The following SGCZ variants were observed in gnomAD, a reference collection of about 807,000 sequenced individuals.
The protein encoded by SGCZ is sarcoglycan zeta, also known as zeta-sarcoglycan.
A neutral mutation model predicts 41.3 loss-of-function variants in SGCZ; 40 were observed. That is an observed-to-expected ratio of 0.97 (90% CI 0.75 to 1.26). The LOEUF (loss-of-function observed/expected upper bound fraction) is 1.26. SGCZ is among the 50% of genes most tolerant of loss of function. The probability of loss-of-function intolerance (pLI) is 0.00; values close to 1 mark genes in which losing one functional copy is unlikely to be tolerated. For synonymous variants in SGCZ, 206 were observed against 137.5 expected (o/e 1.50, Z -3.49); for missense variants, 552 against 369.8 (o/e 1.49, Z -4.04).
At chr8:14,285,020 T>C (rs1359661341) in intron 3 of SGCZ, among the ~76,000 whole-genome samples, 1 of 152,148 alleles carries the variant, frequency 6.6e-6, no homozygotes, top group Non-Finnish European at 1.5e-5. Context: ...TTTTCCCTCT[T>C]TTATATTGGA....
At chr8:15,128,081 T>A (rs1166728088) in intron 1 of SGCZ, among the ~76,000 whole-genome samples, 3 of 152,234 alleles carry the variant, frequency 2.0e-5, no homozygotes, top group Non-Finnish European at 4.4e-5. Context: ...AGAGACCCTT[T>A]TTTAAAGATA....
intron 2 of SGCZ, among the ~76,000 whole-genome samples, chr8:14,552,641 G>C (rs825906): frequency 1.3e-5 from 2 of 151,904 alleles, no homozygotes; most frequent in Non-Finnish European, 2.9e-5. Flanking sequence ...TCAAATTAAA[G>C]AGCTCCATGG....
intron 5 of SGCZ, among the ~76,000 whole-genome samples, chr8:14,138,659 C>T (rs568094857): frequency 1.3e-5 from 2 of 152,262 alleles, no homozygotes; most frequent in South Asian, 4.1e-4. Context: ...AATATATATG[C>T]ACCCAATACA....
Position 15,197,481 on chromosome 8 carries a change from G to C in SGCZ, c.39+40104C>G, listed in dbSNP as rs567640768. On this transcript the variant is annotated intron_variant, in intron 1 of 7. Transcript: ENST00000382080. ...TCATGAAAATAAGAAGGTGGTGTAG[G>C]AAGCACTGGTATCTTCGCAGATAGA... Among the ~76,000 whole-genome samples the C allele has an allele frequency of 7.2e-5, 11 of 152,292 alleles. No homozygotes were observed. In the South Asian group the frequency reaches 2.3e-3, roughly 32 times the overall value.
chr8:14,727,302 T>C (rs969618876), intron 1 of SGCZ, among the ~76,000 whole-genome samples: 3 of 152,100 alleles, frequency 2.0e-5, no homozygotes, highest in African/African-American at 7.2e-5. Flanking sequence ...TTAGAGGAGC[T>C]TTAGAAGTTT....
intron 1 of SGCZ, among the ~76,000 whole-genome samples, chr8:15,038,542 T>C (rs1803951030): frequency 6.7e-6 from 1 of 150,162 alleles, no homozygotes; most frequent in African/African-American, 2.4e-5. Context: ...ATAACATTGG[T>C]CTGGTCAATG....
intron 1 of SGCZ, among the ~76,000 whole-genome samples, chr8:15,052,983 C>T (rs964654155): frequency 1.3e-5 from 2 of 152,122 alleles, no homozygotes; most frequent in Non-Finnish European, 2.9e-5. Flanking sequence ...GGCATAGTTC[C>T]TACATTTCCA....
chr8:14,092,787 T>A (rs1456180342), intron 7 of SGCZ, among the ~76,000 whole-genome samples: 2 of 152,066 alleles, frequency 1.3e-5, no homozygotes, highest in Non-Finnish European at 2.9e-5. Flanking sequence ...ATTGTCTTTT[T>A]CTTTATAAAT....
rs369617205 is a variant in SGCZ, at chr8:14,226,239, A to G, written c.424+11353T>C. Among the ~76,000 whole-genome samples, 20 of 152,232 alleles carry G rather than the reference A, an allele frequency of 1.3e-4. No homozygotes were observed. In the East Asian group the frequency reaches 3.3e-3, roughly 25 times the overall value. Reference sequence around the variant, plus strand: ...ATCATGTAAATTTGGGAAAAACTTAAAAAGTATTTCAAGTTACTATAGAGT... The same window carrying G: ...ATCATGTAAATTTGGGAAAAACTTAGAAAGTATTTCAAGTTACTATAGAGT... On this transcript the variant is annotated intron_variant, in intron 4 of 7. Transcript: ENST00000382080.
At chr8:14,784,916 ATATATAT>A (rs1800710714) in intron 1 of SGCZ, among the ~76,000 whole-genome samples, 7 of 96,182 alleles carry the variant, frequency 7.3e-5, no homozygotes, top group Non-Finnish European at 1.3e-4. Context: ...AAAAAAAAAT[ATATATAT>A]ATATATATAT....
In SGCZ at chr8:14,445,518, G is replaced by A. The variant is rs569556022; in HGVS notation, c.234+109214C>T. Among the ~76,000 whole-genome samples the A allele has an allele frequency of 3.9e-4, 59 of 152,096 alleles. 1 individual carries two copies. Among genetic ancestry groups the A allele is most frequent in the African/African-American group, 1.3e-3 (54 of 41,490 alleles). The stretch of plus-strand genomic sequence containing the variant: ...TTAAGGAGAAGATGACCTGACTTTG[G>A]GGAACACTACTTACCCCACCTGCCC... On this transcript the variant is annotated intron_variant, in intron 2 of 7. Coordinates refer to ENST00000382080, the MANE Select transcript of SGCZ (RefSeq NM_139167.4).
chr8:14,197,797 G>C (rs1320530422), intron 4 of SGCZ, among the ~76,000 whole-genome samples: 2 of 151,890 alleles, frequency 1.3e-5, no homozygotes, highest in East Asian at 3.9e-4. Context: ...TCACACTAGA[G>C]GTCTTAGCCA....
At chr8:14,939,204 G>C (rs1563377448) in intron 1 of SGCZ, among the ~76,000 whole-genome samples, 1 of 152,196 alleles carries the variant, frequency 6.6e-6, no homozygotes, top group East Asian at 1.9e-4. Context: ...CTCAAAGATA[G>C]CATTCAGGAC....
At position 15,026,122 on chromosome 8, in the gene SGCZ, TA is replaced by T. The variant is rs58559528; in HGVS notation, c.39+211462del. On this transcript the variant is annotated intron_variant, in intron 1 of 7. Coordinates refer to ENST00000382080, the MANE Select transcript of SGCZ (RefSeq NM_139167.4). The stretch of plus-strand genomic sequence containing the variant: ...CCATAGTATTCCAATAAGGTTTGTT[TA>T]AAAAAAAAAAAGGACTTTTGATGTT... Among the ~76,000 whole-genome samples, 516 of 143,484 alleles carry T rather than the reference TA, an allele frequency of 3.6e-3. 2 individuals carry two copies. The highest frequency in any genetic ancestry group is 0.023 in the South Asian group (102 of 4,510). 94.1% of individuals were successfully genotyped at this position (143,484 alleles called of 152,430 possible).
chr8:15,037,548 T>C (rs1490342729), intron 1 of SGCZ, among the ~76,000 whole-genome samples: 1 of 152,172 alleles, frequency 6.6e-6, no homozygotes, highest in African/African-American at 2.4e-5. Context: ...AAAGTTTTCC[T>C]CTGAGATCAG....
intron 2 of SGCZ, among the ~76,000 whole-genome samples, chr8:14,544,327 G>A (rs1301044590): frequency 1.3e-5 from 2 of 152,004 alleles, no homozygotes; most frequent in East Asian, 3.9e-4. Flanking sequence ...TGTAAAACAT[G>A]TGTGTTTGAA....
intron 5 of SGCZ, among the ~76,000 whole-genome samples, chr8:14,114,899 T>C (rs996521637): frequency 6.6e-6 from 1 of 151,852 alleles, no homozygotes; most frequent in African/African-American, 2.4e-5. Context: ...ACAATAAGAG[T>C]AATACTTGAA....
chr8:14,226,135 G>A (rs900827043), intron 4 of SGCZ, among the ~76,000 whole-genome samples: 6 of 151,992 alleles, frequency 3.9e-5, no homozygotes, highest in African/African-American at 1.4e-4. Context: ...TGGACCTGAA[G>A]TGCAGTATTT....
rs1802545590 is a variant in SGCZ at position 14,831,856 on chromosome 8, G to GTGTGCACATACATGTATA, written c.40-276931_40-276930insTATACATGTATGTGCACA. Among the ~76,000 whole-genome samples, 4 of 152,050 alleles carry GTGTGCACATACATGTATA rather than the reference G, an allele frequency of 2.6e-5. No homozygotes were observed. The South Asian group carries it at 8.3e-4, about 32-fold the overall frequency. Reference sequence around the variant, plus strand: ...TATGTGTGCACATACATGTATATAAGTATGTATATGTGTGTATATGTATAT... The same window carrying GTGTGCACATACATGTATA: ...TATGTGTGCACATACATGTATATAAGTGTGCACATACATGTATATATGTATATGTGTGTATATGTATAT... On this transcript the variant is annotated intron_variant, in intron 1 of 7. Coordinates refer to ENST00000382080, the MANE Select transcript of SGCZ (RefSeq NM_139167.4).
Sources: gnomAD v4.1 joint callset for allele counts (sites outside exome capture counted in the v4.1 genomes callset) on GRCh38, gnomAD v4.1.1 for gene constraint, MANE v1.5 for transcripts, NCBI Gene and HGNC (gene_info 2026-07-23, HGNC 2026-07-21) for gene names.